Variants in MDGA2 observed in about 807,000 individuals in gnomAD.
The protein encoded by MDGA2 is MAM domain containing glycosylphosphatidylinositol anchor 2.
In MDGA2, 40 loss-of-function variants were observed where a neutral mutation model predicts 117.8. That is an observed-to-expected ratio of 0.34 (90% CI 0.26 to 0.44). The LOEUF is 0.44. Ranked by LOEUF, MDGA2 falls within the 20% of genes least tolerant of loss-of-function variation. The pLI is 1.00. For missense variants in MDGA2, 1,123 were observed against 1,250.6 expected, an observed-to-expected ratio of 0.90 and a Z score of 1.54; for synonymous variants, 452 against 439.0, an observed-to-expected ratio of 1.03 and a Z score of -0.37.
At chr14:46,921,327 G>C (rs972300677) in intron 9 of MDGA2, among the ~76,000 whole-genome samples, 1 of 151,842 alleles carries the variant, frequency 6.6e-6, no homozygotes, top group Non-Finnish European at 1.5e-5. Context: ...TAGGCCAGCT[G>C]TAGGGCTCGT....
At chr14:47,627,902 C>T (rs375908385) in intron 1 of MDGA2, among the ~76,000 whole-genome samples, 18 of 152,288 alleles carry the variant, frequency 1.2e-4, no homozygotes, top group East Asian at 5.8e-4. Flanking sequence ...GAAGAAACTC[C>T]GCACACATCC....
chr14:47,525,674 C>T (rs550499533), intron 1 of MDGA2, among the ~76,000 whole-genome samples: 2 of 151,610 alleles, frequency 1.3e-5, no homozygotes, highest in South Asian at 4.2e-4. Context: ...GACAGTGAGA[C>T]ACCGTCTCAA....
chr14:47,271,736 T>G (rs943023519), intron 2 of MDGA2, among the ~76,000 whole-genome samples: 1 of 151,832 alleles, frequency 6.6e-6, no homozygotes, highest in Non-Finnish European at 1.5e-5. Flanking sequence ...CTTTAAAAAC[T>G]TATAAATAAT....
intron 2 of MDGA2, among the ~76,000 whole-genome samples, chr14:47,285,057 T>C (rs996570374): frequency 3.9e-5 from 6 of 152,162 alleles, no homozygotes; most frequent in Non-Finnish European, 2.9e-5. Context: ...CAAGTCAATA[T>C]GTTGCTCTCC....
At chr14:47,435,451 A>G (rs2138535433) in intron 1 of MDGA2, among the ~76,000 whole-genome samples, 1 of 152,206 alleles carries the variant, frequency 6.6e-6, no homozygotes, top group East Asian at 1.9e-4. Context: ...AGTCTGAGGC[A>G]TGGACCACAG....
At chr14:47,221,551 G>A (rs1886301497) in intron 2 of MDGA2, among the ~76,000 whole-genome samples, 1 of 152,032 alleles carries the variant, frequency 6.6e-6, no homozygotes, top group Non-Finnish European at 1.5e-5. Flanking sequence ...AGCCGGGAGT[G>A]GTGGCAGGCG....
In MDGA2 at chr14:47,674,615, G is replaced by A. The variant is rs1898141433; in HGVS notation, c.182C>T (p.Ala61Val). The A allele has an allele frequency of 6.5e-7, 1 of 1,547,126 alleles. No homozygotes were observed. Among genetic ancestry groups the A allele is most frequent in the Non-Finnish European group, 8.7e-7 (1 of 1,143,382 alleles). ...CTTCACGTGAACATGAACATATCCA[G>A]CCCAGGGGGTACGCAACGGGACCTT... ...LLKVPLRTPW[A>V]GYVHVHVKMD... The change falls in exon 1 of 17, where the codon GCT (alanine) becomes GTT (valine). Residue 61 changes from alanine (A) to valine (V), a missense_variant. Coordinates refer to ENST00000399232, the MANE Select transcript of MDGA2 (RefSeq NM_001113498.3).
intron 1 of MDGA2, among the ~76,000 whole-genome samples, chr14:47,633,553 T>C (rs191761962): frequency 6.6e-6 from 1 of 152,320 alleles, no homozygotes; most frequent in South Asian, 2.1e-4. Flanking sequence ...AATAAATTCA[T>C]AGGTAAACAT....
chr14:46,967,101 A>C (rs1886066514), intron 8 of MDGA2, among the ~76,000 whole-genome samples: 1 of 152,158 alleles, frequency 6.6e-6, no homozygotes, highest in African/African-American at 2.4e-5. Context: ...AATGAATATT[A>C]AAAAATATTA....
chr14:47,000,149 T>C (rs1887450615), intron 8 of MDGA2, among the ~76,000 whole-genome samples: 1 of 151,136 alleles, frequency 6.6e-6, no homozygotes, highest in Non-Finnish European at 1.5e-5. Flanking sequence ...GCCATTTATC[T>C]GATACTTACT....
chr14:47,645,211 A>G (rs933211958), intron 1 of MDGA2, among the ~76,000 whole-genome samples: 3 of 152,128 alleles, frequency 2.0e-5, no homozygotes, highest in African/African-American at 7.2e-5. Flanking sequence ...TCTAAAAATA[A>G]TGCAGCTACC....
chr14:47,184,171 T>C (rs1360506674), intron 3 of MDGA2, among the ~76,000 whole-genome samples: 3 of 152,036 alleles, frequency 2.0e-5, no homozygotes, highest in Admixed American at 1.3e-4. Context: ...TATAATTGTT[T>C]ACTGCTTAAA....
At chr14:47,547,570 T>C (rs1895488828) in intron 1 of MDGA2, among the ~76,000 whole-genome samples, 1 of 152,212 alleles carries the variant, frequency 6.6e-6, no homozygotes, top group East Asian at 1.9e-4. Context: ...TCAGAGAAAC[T>C]GGCTGCAGCT....
In MDGA2 at chr14:47,155,863, ATTCTT is replaced by A. The variant is rs1383670616; in HGVS notation, c.596-11594_596-11590del. ...CATTTTTTATATGAATTTTTTTACA[ATTCTT>A]TTCTTTTCTTCTTCTTCTTCTTTTT... On this transcript the variant is annotated intron_variant, in intron 3 of 16. Coordinates refer to ENST00000399232, the MANE Select transcript of MDGA2 (RefSeq NM_001113498.3). Among the ~76,000 whole-genome samples the A allele has an allele frequency of 1.8e-4, 21 of 113,692 alleles. 1 individual carries two copies. Among genetic ancestry groups the A allele is most frequent in the Non-Finnish European group, 2.9e-4 (15 of 51,994 alleles). 74.6% of individuals were successfully genotyped at this position (113,692 alleles called of 152,430 possible).
chr14:47,505,262 G>A (rs943485931), intron 1 of MDGA2, among the ~76,000 whole-genome samples: 27 of 152,186 alleles, frequency 1.8e-4, no homozygotes, highest in Middle Eastern at 3.4e-3. Flanking sequence ...TTACAAGTAG[G>A]AGGAATAAAT....
At chr14:47,059,005 G>A in intron 7 of MDGA2, 1 of 997,816 alleles carries the variant, frequency 1.0e-6, no homozygotes, top group African/African-American at 1.7e-5. Flanking sequence ...GTCTTTGGGA[G>A]TGATAAAACA....
chr14:47,148,774 C>G (rs1883046623), intron 3 of MDGA2, among the ~76,000 whole-genome samples: 1 of 152,206 alleles, frequency 6.6e-6, no homozygotes, highest in Non-Finnish European at 1.5e-5. Flanking sequence ...AGCTCAAAAT[C>G]TGAAAATTGC....
chr14:46,944,854 T>C (rs1319309444), intron 9 of MDGA2, among the ~76,000 whole-genome samples: 1 of 152,134 alleles, frequency 6.6e-6, no homozygotes, highest in South Asian at 2.1e-4. Flanking sequence ...CATTTTTCTT[T>C]AATTATTTGA....
rs1430808373 is a variant in MDGA2, at chr14:47,495,480, T to C, written c.280+179037A>G. 2.6e-5 allele frequency among the ~76,000 whole-genome samples: 4 copies of C among 152,350 alleles called. No individual in the cohort carries two copies. In the East Asian group the frequency reaches 7.7e-4, roughly 29 times the overall value. The stretch of plus-strand genomic sequence containing the variant: ...ATTAGAAATCATGCTGCTTTTACTT[T>C]ATTTATAATTCCCCCACAGGTAATA... On this transcript the variant is annotated intron_variant, in intron 1 of 16. Coordinates refer to ENST00000399232, the MANE Select transcript of MDGA2 (RefSeq NM_001113498.3).
Sources: gnomAD v4.1 joint callset for allele counts (sites outside exome capture counted in the v4.1 genomes callset) on GRCh38, gnomAD v4.1.1 for gene constraint, MANE v1.5 for transcripts, NCBI Gene and HGNC (gene_info 2026-07-23, HGNC 2026-07-21) for gene names.